The following HS6ST3 variants were observed in gnomAD, a reference collection of about 807,000 sequenced individuals.
The protein encoded by HS6ST3 is heparan-sulfate 6-O-sulfotransferase 3.
Under a neutral mutation model 36.7 loss-of-function variants are expected in HS6ST3, and 12 were observed. The ratio of observed to expected loss-of-function variants is 0.33; its 90% confidence interval spans 0.21 to 0.53. The LOEUF (loss-of-function observed/expected upper bound fraction) is 0.53, where lower values mean the gene tolerates loss of function less well. Among genes scored for constraint, HS6ST3 ranks in the 20% least tolerant of loss-of-function variants. The pLI, the probability that HS6ST3 is intolerant of heterozygous loss-of-function variation, is 0.95. For missense variants in HS6ST3, 584 were observed against 640.9 expected, an observed-to-expected ratio of 0.91 and a Z score of 0.96; for synonymous variants, 240 against 257.5, an observed-to-expected ratio of 0.93 and a Z score of 0.65.
intron 1 of HS6ST3, among the ~76,000 whole-genome samples, chr13:96,247,534 C>T (rs1254842896): frequency 6.6e-6 from 1 of 152,102 alleles, no homozygotes; most frequent in Non-Finnish European, 1.5e-5. Flanking sequence ...TTGCCTTCCA[C>T]CAAATGATTG....
chr13:96,639,437 T>C (rs575517200), intron 1 of HS6ST3, among the ~76,000 whole-genome samples: 1 of 152,138 alleles, frequency 6.6e-6, no homozygotes, highest in South Asian at 2.1e-4. Flanking sequence ...GTGTCTCTTT[T>C]AAAAGCATGT....
chr13:96,215,844 A>G (rs2054423344), intron 1 of HS6ST3, among the ~76,000 whole-genome samples: 1 of 151,958 alleles, frequency 6.6e-6, no homozygotes, highest in South Asian at 2.1e-4. Flanking sequence ...CTAATGCTGC[A>G]TTTTTCATCT....
intron 1 of HS6ST3, among the ~76,000 whole-genome samples, chr13:96,712,894 C>T (rs945264253): frequency 6.6e-6 from 1 of 152,102 alleles, no homozygotes; most frequent in African/African-American, 2.4e-5. Flanking sequence ...GAAACCAAGG[C>T]CTGTGCAAAC....
At chr13:96,806,860 C>T (rs1026740863) in intron 1 of HS6ST3, among the ~76,000 whole-genome samples, 3 of 152,100 alleles carry the variant, frequency 2.0e-5, no homozygotes, top group African/African-American at 7.2e-5. Context: ...TTTTTATAAG[C>T]TGATATATGC....
At chr13:96,213,517 G>T (rs1229980578) in intron 1 of HS6ST3, among the ~76,000 whole-genome samples, 1 of 144,744 alleles carries the variant, frequency 6.9e-6, no homozygotes, top group Non-Finnish European at 1.5e-5. Flanking sequence ...GACTGCCTCT[G>T]TGTAGGACAA....
chr13:96,656,450 C>T (rs1211085783), intron 1 of HS6ST3, among the ~76,000 whole-genome samples: 2 of 152,042 alleles, frequency 1.3e-5, no homozygotes, highest in African/African-American at 4.8e-5. Context: ...AACTCATGTT[C>T]CAAGAGATAT....
intron 1 of HS6ST3, among the ~76,000 whole-genome samples, chr13:96,650,482 A>G (rs971969858): frequency 5.9e-5 from 9 of 152,062 alleles, no homozygotes; most frequent in Admixed American, 1.3e-4. Context: ...AATAAGGTAC[A>G]TTCTGAACGA....
intron 1 of HS6ST3, among the ~76,000 whole-genome samples, chr13:96,206,343 T>C (rs1309969584): frequency 6.6e-6 from 1 of 152,160 alleles, no homozygotes; most frequent in Non-Finnish European, 1.5e-5. Flanking sequence ...TTCATGCTTA[T>C]GTATAAGAAA....
chr13:96,473,111 C>T (rs965018816), intron 1 of HS6ST3, among the ~76,000 whole-genome samples: 2 of 152,176 alleles, frequency 1.3e-5, no homozygotes, highest in Non-Finnish European at 2.9e-5. Flanking sequence ...AGGCTACTAC[C>T]TTGCCTAGCA....
intron 1 of HS6ST3, among the ~76,000 whole-genome samples, chr13:96,497,165 T>A (rs1400745716): frequency 1.3e-5 from 2 of 152,048 alleles, no homozygotes; most frequent in Non-Finnish European, 2.9e-5. Context: ...GGGAAACACA[T>A]CAGAGGACAG....
intron 1 of HS6ST3, among the ~76,000 whole-genome samples, chr13:96,281,159 C>T (rs1005880941): frequency 1.3e-5 from 2 of 152,124 alleles, no homozygotes; most frequent in Non-Finnish European, 2.9e-5. Context: ...GTGCGCGCCA[C>T]CACACCCAGC....
At chr13:96,298,512 G>A (rs868532228) in intron 1 of HS6ST3, among the ~76,000 whole-genome samples, 2 of 152,184 alleles carry the variant, frequency 1.3e-5, no homozygotes, top group Non-Finnish European at 2.9e-5. Flanking sequence ...AGACACCCGG[G>A]TTTGTAATTG....
In HS6ST3 at chr13:96,479,348, A is replaced by G. The variant is rs139156057; in HGVS notation, c.708-353142A>G. On this transcript the variant is annotated intron_variant, in intron 1 of 1. Transcript: ENST00000376705. ...ACTGAAGCATAGAGAGTGGAAGGTC[A>G]GGAGATGCACATGGAGAGGGGAACG... 3.7e-3 allele frequency among the ~76,000 whole-genome samples: 564 copies of G among 152,338 alleles called. 5 individuals are homozygous for G. Among genetic ancestry groups the G allele is most frequent in the African/African-American group, 0.013 (545 of 41,576 alleles).
chr13:96,808,004 A>C (rs997919143), intron 1 of HS6ST3, among the ~76,000 whole-genome samples: 4 of 152,216 alleles, frequency 2.6e-5, no homozygotes. Context: ...TTCCAAAAAG[A>C]ATTTCTTGTC....
intron 1 of HS6ST3, among the ~76,000 whole-genome samples, chr13:96,168,247 G>T (rs1419720280): frequency 6.6e-6 from 1 of 152,156 alleles, no homozygotes; most frequent in Non-Finnish European, 1.5e-5. Context: ...AGCAGTTTTG[G>T]TGTCTGAGCT....
intron 1 of HS6ST3, among the ~76,000 whole-genome samples, chr13:96,641,661 T>C (rs1594825001): frequency 6.6e-6 from 1 of 151,904 alleles, no homozygotes; most frequent in Non-Finnish European, 1.5e-5. Context: ...TTTTAAATTA[T>C]ATTTTTTGAG....
intron 1 of HS6ST3, among the ~76,000 whole-genome samples, chr13:96,450,764 A>C (rs2055723728): frequency 6.6e-6 from 1 of 152,352 alleles, no homozygotes; most frequent in Non-Finnish European, 1.5e-5. Context: ...TCATTATGAA[A>C]TAGATGTGGC....
At chr13:96,638,467 C>T (rs1413070444) in intron 1 of HS6ST3, among the ~76,000 whole-genome samples, 3 of 151,990 alleles carry the variant, frequency 2.0e-5, no homozygotes, top group South Asian at 4.1e-4. Flanking sequence ...GGCTGTGTTT[C>T]CACCCAGATC....
rs1878018254 is a variant in HS6ST3, at chr13:96,799,984, A to ATATATATATGTG, written c.708-32497_708-32496insGTGTATATATAT. On this transcript the variant is annotated intron_variant, in intron 1 of 1. Transcript: ENST00000376705. Reference sequence around the variant, plus strand: ...TATATGTGTATATATATATATATGTATATATATATATATGTATATATATAT... The same window carrying ATATATATATGTG: ...TATATGTGTATATATATATATATGTATATATATATGTGTATATATATATATGTATATATATAT... Among the ~76,000 whole-genome samples the ATATATATATGTG allele has an allele frequency of 8.7e-5, 8 of 92,430 alleles. No homozygotes were observed. The East Asian group carries it at 2.6e-3, about 30-fold the overall frequency. 60.6% of individuals were successfully genotyped at this position (92,430 alleles called of 152,430 possible). A position where few individuals can be genotyped will look rare whatever the true frequency, so the allele number is the denominator to read the frequency against.
Sources: gnomAD v4.1 joint callset for allele counts (sites outside exome capture counted in the v4.1 genomes callset) on GRCh38, gnomAD v4.1.1 for gene constraint, MANE v1.5 for transcripts, NCBI Gene and HGNC (gene_info 2026-07-23, HGNC 2026-07-21) for gene names.